Variants in DLGAP1 observed in about 807,000 individuals in gnomAD.
DLGAP1 encodes DLG associated protein 1, also known as disks large-associated protein 1.
DLGAP1 carries 11 observed loss-of-function variants against 90.8 expected under a neutral mutation model. The observed-to-expected ratio is 0.12, with a 90% CI of 0.08 to 0.20. The LOEUF (loss-of-function observed/expected upper bound fraction) is 0.20, where lower values mean the gene tolerates loss of function less well. Among genes scored for constraint, DLGAP1 ranks in the 10% least tolerant of loss-of-function variants. The probability of loss-of-function intolerance (pLI) is 1.00; values close to 1 mark genes in which losing one functional copy is unlikely to be tolerated. For missense variants in DLGAP1, 1,050 were observed against 1,333.8 expected (o/e 0.79, Z 3.31); for synonymous variants, 558 against 540.7 (o/e 1.03, Z -0.44).
chr18:3,842,539 G>A (rs2068775866), intron 4 of DLGAP1, among the ~76,000 whole-genome samples: 1 of 151,838 alleles, frequency 6.6e-6, no homozygotes, highest in African/African-American at 2.4e-5. Context: ...AACTGGGATC[G>A]TGGCAAAAGG....
chr18:4,155,633 AG>A, intron 1 of DLGAP1, among the ~76,000 whole-genome samples: 1 of 152,320 alleles, frequency 6.6e-6, no homozygotes, highest in Non-Finnish European at 1.5e-5. Flanking sequence ...GTATATTAAA[AG>A]ATATATGTCC....
At chr18:4,108,070 C>T (rs2075901786) in intron 2 of DLGAP1, among the ~76,000 whole-genome samples, 1 of 152,174 alleles carries the variant, frequency 6.6e-6, no homozygotes, top group South Asian at 2.1e-4. Context: ...ATCATAGAAA[C>T]TGACATTCTT....
intron 8 of DLGAP1, among the ~76,000 whole-genome samples, chr18:3,579,883 T>C (rs2055385498): frequency 6.6e-6 from 1 of 152,220 alleles, no homozygotes; most frequent in Admixed American, 6.5e-5. Context: ...GTCAGTCACT[T>C]TGGTCTTGCT....
At chr18:3,612,944 C>T (rs990793111) in intron 7 of DLGAP1, among the ~76,000 whole-genome samples, 2 of 152,060 alleles carry the variant, frequency 1.3e-5, no homozygotes, top group South Asian at 2.1e-4. Context: ...TGCGTTCAAG[C>T]GATTCTCCTG....
chr18:3,809,891 G>T (rs1324699761), intron 5 of DLGAP1, among the ~76,000 whole-genome samples: 1 of 152,118 alleles, frequency 6.6e-6, no homozygotes, highest in African/African-American at 2.4e-5. Flanking sequence ...AGAATAAATG[G>T]CACTCCAAGT....
At chr18:4,305,532 C>T (rs866694625) in intron 1 of DLGAP1, among the ~76,000 whole-genome samples, 16 of 119,788 alleles carry the variant, frequency 1.3e-4, no homozygotes, top group Admixed American at 3.6e-4. Flanking sequence ...AAAACTCCGT[C>T]TCAAAAAAAA....
At chr18:3,607,889 G>A (rs531847799) in intron 7 of DLGAP1, 1 of 152,196 alleles carries the variant, frequency 6.6e-6, no homozygotes, top group Non-Finnish European at 1.5e-5. Context: ...GAGAAGGGAG[G>A]TTGGATGGGA....
intron 7 of DLGAP1, among the ~76,000 whole-genome samples, chr18:3,689,346 C>CT (rs2060814402): frequency 6.6e-6 from 1 of 152,188 alleles, no homozygotes; most frequent in South Asian, 2.1e-4. Flanking sequence ...AAACTCTCCT[C>CT]TCTGTTTGAC....
intron 7 of DLGAP1, among the ~76,000 whole-genome samples, chr18:3,659,754 C>T (rs1004646519): frequency 3.9e-5 from 6 of 152,046 alleles, no homozygotes; most frequent in Non-Finnish European, 8.8e-5. Context: ...TTAGTAGAGA[C>T]AGGGTTTCAC....
At chr18:3,964,974 C>T (rs375388203) in intron 3 of DLGAP1, among the ~76,000 whole-genome samples, 2 of 152,260 alleles carry the variant, frequency 1.3e-5, no homozygotes, top group South Asian at 4.2e-4. Flanking sequence ...ACCAAATTTA[C>T]GTGAACTCCA....
At chr18:4,410,307 TA>T (rs936729665) in intron 1 of DLGAP1, among the ~76,000 whole-genome samples, 19 of 152,110 alleles carry the variant, frequency 1.2e-4, no homozygotes, top group Non-Finnish European at 2.6e-4. Context: ...TATGGAAAAA[TA>T]AAAAAATTGG....
chr18:3,562,510 A>G (rs1183977129), intron 9 of DLGAP1, among the ~76,000 whole-genome samples: 1 of 146,298 alleles, frequency 6.8e-6, no homozygotes, highest in African/African-American at 2.5e-5. Flanking sequence ...TAAAAATGGG[A>G]ATTTCCCTGC....
chr18:3,771,977 T>C (rs778040667), intron 5 of DLGAP1, among the ~76,000 whole-genome samples: 54 of 152,340 alleles, frequency 3.5e-4, no homozygotes, highest in Non-Finnish European at 6.3e-4. Context: ...TGGTGAAGCT[T>C]ATTTCGGGAA....
rs117333393 is a variant in DLGAP1 at position 3,867,488 on chromosome 18, G to A, written c.957+11624C>T. Among the ~76,000 whole-genome samples, 9 of 152,292 alleles carry A rather than the reference G, an allele frequency of 5.9e-5. No individual in the cohort carries two copies. The East Asian group carries it at 1.7e-3, about 29-fold the overall frequency. On this transcript the variant is annotated intron_variant, in intron 4 of 12. Transcript: ENST00000315677. ...GTTCACGGGGTGGGGAAGGAAGGAGGAGGGGATGAAATTAACCACTGGTAT... is the reference window on the plus strand; with the variant it reads ...GTTCACGGGGTGGGGAAGGAAGGAGAAGGGGATGAAATTAACCACTGGTAT...
chr18:3,524,739 A>G (rs147334572), intron 10 of DLGAP1, among the ~76,000 whole-genome samples: 1 of 152,278 alleles, frequency 6.6e-6, no homozygotes, highest in East Asian at 1.9e-4. Flanking sequence ...AATGAAAGTC[A>G]TGTGGATTTG....
chr18:3,629,060 C>A (rs2058419820), intron 7 of DLGAP1, among the ~76,000 whole-genome samples: 1 of 152,196 alleles, frequency 6.6e-6, no homozygotes. Flanking sequence ...ATTGTCCCAA[C>A]ATACACTCCC....
intron 3 of DLGAP1, among the ~76,000 whole-genome samples, chr18:3,883,837 T>C (rs1398839520): frequency 6.6e-6 from 1 of 152,204 alleles, no homozygotes; most frequent in Non-Finnish European, 1.5e-5. Context: ...TTCTGACCTA[T>C]ATACCTTTGA....
intron 5 of DLGAP1, among the ~76,000 whole-genome samples, chr18:3,801,774 A>G (rs1246653849): frequency 3.3e-5 from 5 of 152,210 alleles, no homozygotes; most frequent in Non-Finnish European, 7.3e-5. Context: ...AAGTAAGAGA[A>G]AAGCACAAGA....
chr18:3,944,900 A>C (rs2148954742), intron 3 of DLGAP1, among the ~76,000 whole-genome samples: 1 of 152,312 alleles, frequency 6.6e-6, no homozygotes, highest in East Asian at 1.9e-4. Flanking sequence ...CTTGGAGAAA[A>C]GTGTGAATGT....
Sources: allele counts gnomAD v4.1 joint callset (sites outside exome capture counted in the v4.1 genomes callset), GRCh38; gene constraint gnomAD v4.1.1; transcripts MANE v1.5; gene names NCBI Gene and HGNC (gene_info 2026-07-23, HGNC 2026-07-21).